The following PCDHA4 variants were observed in gnomAD, a reference collection of about 807,000 sequenced individuals.
PCDHA4 encodes protocadherin alpha-4.
A neutral mutation model predicts 61.4 loss-of-function variants in PCDHA4; 49 were observed. The ratio of observed to expected loss-of-function variants is 0.80; its 90% CI spans 0.63 to 1.01. The LOEUF (loss-of-function observed/expected upper bound fraction) is 1.01. Ranked by LOEUF, PCDHA4 falls within the 50% of genes least tolerant of loss-of-function variation. PCDHA4 has a pLI of 0.00. For missense variants in PCDHA4, 1,254 were observed against 1,235.8 expected, an observed-to-expected ratio of 1.01 and a Z score of -0.22; for synonymous variants, 590 against 550.3, an observed-to-expected ratio of 1.07 and a Z score of -1.01.
Position 140,822,383 on chromosome 5 carries a change from A to G in PCDHA4, c.2385+12811A>G, listed in dbSNP as rs140694784. The G allele has an allele frequency of 6.7e-5, 108 of 1,614,026 alleles. 1 individual carries two copies. The highest frequency in any genetic ancestry group is 3.3e-4 in the Middle Eastern group (2 of 6,084). Reference sequence around the variant, plus strand: ...TTGAGGAAATCCTTAGATAGAGAAGAAACACAAGAACACCGTTTATTAGTG... The same window carrying G: ...TTGAGGAAATCCTTAGATAGAGAAGGAACACAAGAACACCGTTTATTAGTG... On this transcript the variant is annotated intron_variant, in intron 1 of 3. Coordinates refer to ENST00000530339, the MANE Select transcript of PCDHA4 (RefSeq NM_018907.4).
chr5:140,821,224 G>A (rs1766920649), intron 1 of PCDHA4, among the ~76,000 whole-genome samples: 1 of 152,100 alleles, frequency 6.6e-6, no homozygotes, highest in Non-Finnish European at 1.5e-5. Context: ...TGTTTAAATA[G>A]AGATGAGAAA....
At chr5:140,814,516 A>G (rs1765532799) in intron 1 of PCDHA4, 2 of 152,058 alleles carry the variant, frequency 1.3e-5, no homozygotes, top group African/African-American at 4.8e-5. Context: ...ACCACTAAAA[A>G]GTATAGTAAA....
intron 3 of PCDHA4, among the ~76,000 whole-genome samples, chr5:141,008,824 T>C (rs1042258496): frequency 6.6e-6 from 1 of 152,186 alleles, no homozygotes; most frequent in African/African-American, 2.4e-5. Flanking sequence ...TACAACAGGA[T>C]TCCATCCTCT....
intron 1 of PCDHA4, chr5:140,850,406 G>A (rs1200115176): frequency 1.9e-6 from 3 of 1,597,826 alleles, no homozygotes; most frequent in African/African-American, 1.3e-5. Flanking sequence ...CGCGTGCCCT[G>A]GACGAAACGG....
chr5:140,875,432 T>C (rs1268206649), intron 1 of PCDHA4: 3 of 1,559,782 alleles, frequency 1.9e-6, no homozygotes, highest in Non-Finnish European at 2.6e-6. Flanking sequence ...AGCGATCCCT[T>C]AAAACTGATT....
Position 140,807,559 on chromosome 5 carries a change from G to C in PCDHA4, c.372G>C (p.Arg124Ser), listed in dbSNP as rs150847383. 50 of 1,614,048 alleles carry C rather than the reference G, an allele frequency of 3.1e-5. No homozygotes were observed. In the African/African-American group the frequency reaches 6.0e-4, roughly 19 times the overall value. Residue 124 changes from arginine to serine, a missense_variant, in exon 1 of 4, where the codon AGG becomes AGC. Coordinates refer to ENST00000530339, the MANE Select transcript of PCDHA4 (RefSeq NM_018907.4). ...TTTTCCATGTGGACGTGGAGGTGAG[G>C]GACATTAACGATAACCCGCCGGTGT... is the stretch of plus-strand genomic sequence containing the variant. ...LQVFHVDVEV[R>S]DINDNPPVFP...
At chr5:140,948,269 A>G (rs1339240276) in intron 1 of PCDHA4, among the ~76,000 whole-genome samples, 1 of 151,602 alleles carries the variant, frequency 6.6e-6, no homozygotes, top group Non-Finnish European at 1.5e-5. Flanking sequence ...GTTCATGTAG[A>G]ATATCTGTAA....
At chr5:140,926,554 G>A (rs2083344574) in intron 1 of PCDHA4, 1 of 237,224 alleles carries the variant, frequency 4.2e-6, no homozygotes, top group Non-Finnish European at 8.0e-6. Context: ...CGAGACCCCA[G>A]CCCGCTGCTA....
intron 1 of PCDHA4, among the ~76,000 whole-genome samples, chr5:140,974,062 G>T (rs1014435483): frequency 2.0e-5 from 3 of 152,222 alleles, no homozygotes; most frequent in Non-Finnish European, 4.4e-5. Context: ...ATTTGGAGCA[G>T]TATAATCTAT....
chr5:140,834,272 C>A, intron 1 of PCDHA4: 1 of 1,066,346 alleles, frequency 9.4e-7, no homozygotes, highest in Non-Finnish European at 1.4e-6. Flanking sequence ...CTCTTTCACT[C>A]TTTGGATGCA....
chr5:140,962,155 G>A (rs977043867), intron 1 of PCDHA4, among the ~76,000 whole-genome samples: 8 of 152,060 alleles, frequency 5.3e-5, no homozygotes, highest in South Asian at 2.1e-4. Flanking sequence ...GATTACAGGC[G>A]TGAGCCACCA....
Position 140,920,446 on chromosome 5 carries a change from A to G in PCDHA4, c.2386-58503A>G, listed in dbSNP as rs2079636964. 2.6e-5 allele frequency among the ~76,000 whole-genome samples: 4 copies of G among 152,114 alleles called. No homozygotes were observed. In the South Asian group the frequency reaches 8.3e-4, roughly 31 times the overall value. On this transcript the variant is annotated intron_variant, in intron 1 of 3. Coordinates refer to ENST00000530339, the MANE Select transcript of PCDHA4 (RefSeq NM_018907.4). ...CTCCCACACACCTCTTTTATACTGT[A>G]ATTGACAAATTTGTTATATTTCTGT...
chr5:140,948,108 G>A (rs902891466), intron 1 of PCDHA4, among the ~76,000 whole-genome samples: 2 of 151,096 alleles, frequency 1.3e-5, no homozygotes, highest in Non-Finnish European at 3.0e-5. Context: ...ATTTTTCTTC[G>A]TTTTACTAAT....
intron 1 of PCDHA4, chr5:140,823,650 G>A (rs2150127919): frequency 5.6e-6 from 9 of 1,613,996 alleles, no homozygotes; most frequent in South Asian, 1.1e-5. Context: ...GCGTGGGGCT[G>A]TACACAGGCG....
chr5:140,838,075 ATAGTGTGTGTGTGTGTGTGTGT>A lies in PCDHA4; in HGVS notation c.2385+28504_2385+28525del, dbSNP rs1451714583. 4.8e-3 allele frequency among the ~76,000 whole-genome samples: 618 copies of A among 128,240 alleles called. 16 individuals carry two copies. Among genetic ancestry groups the A allele is most frequent in the African/African-American group, 0.016 (526 of 32,658 alleles). The allele number at this position is 128,240 out of a possible 152,430, so 84.1% of individuals were successfully genotyped here. A position where few individuals can be genotyped will look rare whatever the true frequency, so the allele number is the denominator to read the frequency against. On this transcript the variant is annotated intron_variant, in intron 1 of 3. Transcript: ENST00000530339. ...GTTTTCCACTTTAAGTTATATATAT[ATAGTGTGTGTGTGTGTGTGTGT>A]GTGTGTGTGTGTGTGTGTGTGTGTG...
intron 1 of PCDHA4, chr5:140,861,554 C>A (rs1023234694): frequency 1.8e-5 from 7 of 398,878 alleles, no homozygotes; most frequent in Non-Finnish European, 2.6e-5. Flanking sequence ...TGGAAGTGAT[C>A]GTGGACAAGC....
intron 3 of PCDHA4, among the ~76,000 whole-genome samples, chr5:141,003,811 C>G (rs1490096042): frequency 1.3e-5 from 2 of 152,114 alleles, no homozygotes; most frequent in African/African-American, 4.8e-5. Context: ...AATCTGTAGT[C>G]TGGGAAGGGC....
rs180990865 is a variant in PCDHA4 at position 140,858,241 on chromosome 5, G to C, written c.2385+48669G>C. 1.8e-3 allele frequency: 2,879 copies of C among 1,596,686 alleles called. 210 individuals carry two copies. In the African/African-American group the frequency reaches 0.035, roughly 19 times the overall value. On this transcript the variant is annotated intron_variant, in intron 1 of 3. Coordinates refer to ENST00000530339, the MANE Select transcript of PCDHA4 (RefSeq NM_018907.4). ...CGGCGCCCACCGAGGGCGCATGTGGGCCGGTGAAGCCCACGCTGGTGTGCT... is the reference window on the plus strand; with the variant it reads ...CGGCGCCCACCGAGGGCGCATGTGGCCCGGTGAAGCCCACGCTGGTGTGCT...
intron 1 of PCDHA4, among the ~76,000 whole-genome samples, chr5:140,960,168 T>C (rs569250147): frequency 9.2e-5 from 14 of 152,300 alleles, no homozygotes; most frequent in African/African-American, 3.1e-4. Flanking sequence ...AATACAATTC[T>C]TAAGTTAGGG....
Sources: allele counts gnomAD v4.1 joint callset (sites outside exome capture counted in the v4.1 genomes callset), GRCh38; gene constraint gnomAD v4.1.1; transcripts MANE v1.5; gene names NCBI Gene and HGNC (gene_info 2026-07-23, HGNC 2026-07-21).